SNX2: variants seen among roughly 807,000 people sequenced by gnomAD.
SNX2 encodes sorting nexin 2, also known as sorting nexin-2.
In SNX2, 25 loss-of-function variants were observed where a neutral mutation model predicts 69.9. The ratio of observed to expected loss-of-function variants is 0.36; its 90% CI spans 0.26 to 0.50. SNX2 has a LOEUF of 0.50. Ranked by LOEUF, SNX2 falls within the 20% of genes least tolerant of loss-of-function variation. SNX2 has a pLI of 0.97. For synonymous variants in SNX2, 229 were observed against 200.4 expected (o/e 1.14, Z -1.20); for missense variants, 551 against 613.3 (o/e 0.90, Z 1.07).
intron 1 of SNX2, among the ~76,000 whole-genome samples, chr5:122,791,709 G>T (rs1016830403): frequency 1.3e-5 from 2 of 152,238 alleles, no homozygotes; most frequent in Non-Finnish European, 2.9e-5. Context: ...AAGCCACCGC[G>T]CCTGGCCCTC....
intron 1 of SNX2, among the ~76,000 whole-genome samples, chr5:122,784,091 T>C (rs1350848307): frequency 6.6e-6 from 1 of 152,038 alleles, no homozygotes; most frequent in Non-Finnish European, 1.5e-5. Context: ...CCCTGTATGA[T>C]AGCAACTGTT....
At position 122,826,117 on chromosome 5, in the gene SNX2, A is replaced by C. The variant is rs1332422745; in HGVS notation, c.1280A>C (p.Lys427Thr). Residue 427 changes from lysine (K) to threonine (T), a missense_variant, in exon 12 of 15, where the codon AAA becomes ACA. Coordinates refer to ENST00000379516, the MANE Select transcript of SNX2 (RefSeq NM_003100.4). ...GATGCTCAAATTACTTTGCTCAAAA[A>C]ACGTGAAGCTGAAGCAAAAATGATG... ...WEDAQITLLK[K>T]REAEAKMMVA... 1 of 1,613,242 alleles carries C rather than the reference A, an allele frequency of 6.2e-7. No homozygotes were observed.
intron 1 of SNX2, among the ~76,000 whole-genome samples, chr5:122,786,847 T>C (rs1341229961): frequency 6.6e-6 from 1 of 152,194 alleles, no homozygotes; most frequent in African/African-American, 2.4e-5. Context: ...GAGGCTTTAG[T>C]GGTCCTTGTT....
intron 11 of SNX2, among the ~76,000 whole-genome samples, chr5:122,820,061 A>G (rs1753986077): frequency 6.6e-6 from 1 of 152,226 alleles, no homozygotes; most frequent in Non-Finnish European, 1.5e-5. Context: ...AGCAATTGTC[A>G]GAGTATATAT....
At chr5:122,793,717 C>T (rs1197582629) in intron 1 of SNX2, among the ~76,000 whole-genome samples, 3 of 151,736 alleles carry the variant, frequency 2.0e-5, no homozygotes, top group Non-Finnish European at 4.4e-5. Flanking sequence ...CGAGACCAGC[C>T]TGGCCAACAT....
At chr5:122,810,543 T>C (rs1175519799) in intron 7 of SNX2, among the ~76,000 whole-genome samples, 1 of 152,186 alleles carries the variant, frequency 6.6e-6, no homozygotes, top group African/African-American at 2.4e-5. Flanking sequence ...GTATTTCAGA[T>C]GGCATGCTTG....
chr5:122,789,458 C>CAG (rs1394420651), intron 1 of SNX2, among the ~76,000 whole-genome samples: 6 of 66,892 alleles, frequency 9.0e-5, no homozygotes, highest in African/African-American at 4.9e-4. Flanking sequence ...CACACACACA[C>CAG]ACACAGACAC....
intron 6 of SNX2, among the ~76,000 whole-genome samples, chr5:122,806,113 C>CGCGTGTGTGT (rs1554063137): frequency 3.4e-5 from 4 of 117,332 alleles, no homozygotes; most frequent in Non-Finnish European, 7.4e-5. Flanking sequence ...TGTGTGTGTG[C>CGCGTGTGTGT]GTGTGTGTAT....
intron 14 of SNX2, among the ~76,000 whole-genome samples, chr5:122,829,237 C>G (rs893766859): frequency 2.0e-5 from 3 of 151,962 alleles, no homozygotes; most frequent in African/African-American, 4.8e-5. Flanking sequence ...TGGAGTCTTG[C>G]TCTGTTGTCC....
chr5:122,792,260 T>C (rs1336890640), intron 1 of SNX2, among the ~76,000 whole-genome samples: 1 of 152,202 alleles, frequency 6.6e-6, no homozygotes, highest in East Asian at 1.9e-4. Flanking sequence ...GAAAATCTTA[T>C]TAATTAGGAG....
At chr5:122,808,513 T>A (rs1423499438) in intron 7 of SNX2, 158 bp downstream of exon 7, 1 of 531,912 alleles carries the variant, frequency 1.9e-6, no homozygotes, top group Non-Finnish European at 3.3e-6. Flanking sequence ...AGAAAATTAC[T>A]TCTTTCAACA....
In SNX2 at chr5:122,803,548, A is replaced by G. The variant is rs1753562155; in HGVS notation, c.578A>G (p.Lys193Arg). Residue 193 changes from lysine to arginine, a missense_variant, in exon 6 of 15, where the codon AAA (lysine) becomes AGA (arginine). Physicochemically the swap from Lys to Arg is conservative, Grantham distance 26. This residue lies in a region of SNX2 where 360 missense variants were observed against 450.4 expected (regional missense o/e 0.80). Transcript: ENST00000379516. ...RFSDFLGLHSKLASKYLHVGY... is the reference protein window; with the variant it reads ...RFSDFLGLHSRLASKYLHVGY... ...AGCGACTTTCTTGGTTTGCACAGCAAATTAGCAAGCAAATATTTACATGTT... is the reference window on the plus strand; with the variant it reads ...AGCGACTTTCTTGGTTTGCACAGCAGATTAGCAAGCAAATATTTACATGTT... 1 of 1,612,614 alleles carries G rather than the reference A, an allele frequency of 6.2e-7. No homozygotes were observed. The highest frequency in any genetic ancestry group is 8.5e-7 in the Non-Finnish European group (1 of 1,179,504).
chr5:122,819,750 TTTAC>T (rs1753973355), intron 11 of SNX2, among the ~76,000 whole-genome samples: 1 of 152,212 alleles, frequency 6.6e-6, no homozygotes, highest in Non-Finnish European at 1.5e-5. Flanking sequence ...GTACTGGGTA[TTTAC>T]TTTTTACCTT....
chr5:122,823,530 A>G (rs1754071682), intron 11 of SNX2, among the ~76,000 whole-genome samples: 1 of 152,198 alleles, frequency 6.6e-6, no homozygotes, highest in Non-Finnish European at 1.5e-5. Context: ...ATACATTGAG[A>G]ACTTAAGCAA....
chr5:122,799,641 T>G (rs1753462938), intron 2 of SNX2, 51 bp from the exon 3 acceptor site: 1 of 1,349,094 alleles, frequency 7.4e-7, no homozygotes. Context: ...TGTAGAATAT[T>G]GGGGGTTTGC....
chr5:122,786,216 A>G (rs187008020), intron 1 of SNX2, among the ~76,000 whole-genome samples: 137 of 151,768 alleles, frequency 9.0e-4, no homozygotes, highest in Middle Eastern at 6.8e-3. Context: ...TATCTTTTTT[A>G]TTGTTTTACT....
intron 1 of SNX2, among the ~76,000 whole-genome samples, chr5:122,792,842 G>T (rs893876730): frequency 6.6e-6 from 1 of 152,002 alleles, no homozygotes; most frequent in African/African-American, 2.4e-5. Context: ...CTTCACAAAA[G>T]GATATCTAAA....
At position 122,831,227 on chromosome 5, in the gene SNX2, T is replaced by A. The variant is rs1464991006; in HGVS notation, c.*1579T>A. On this transcript the variant is annotated 3_prime_UTR_variant, in exon 15 of 15. Transcript: ENST00000379516. ...AGCATGTGTTTGCTTCTGCTTTAGT[T>A]GAAATGTTAAGCCTTCTATAGGTGT... Among the ~76,000 whole-genome samples the A allele has an allele frequency of 6.6e-6, 1 of 152,176 alleles. No homozygotes were observed. The highest frequency in any genetic ancestry group is 1.5e-5 in the Non-Finnish European group (1 of 68,036).
upstream of SNX2, chr5:122,775,065 C>T (rs1387457914): frequency 1.9e-6 from 3 of 1,549,958 alleles, no homozygotes; most frequent in African/African-American, 1.4e-5. Context: ...GTGACGGGTC[C>T]GCGAGGCCCA....
Sources: allele counts gnomAD v4.1 joint callset (sites outside exome capture counted in the v4.1 genomes callset), GRCh38; gene constraint gnomAD v4.1.1; regional missense constraint gnomAD v4.1.1; transcripts MANE v1.5; gene names NCBI Gene and HGNC (gene_info 2026-07-23, HGNC 2026-07-21).